The following PDE4D variants were observed in gnomAD, a reference collection of about 807,000 sequenced individuals.
PDE4D encodes the protein 3',5'-cyclic-AMP phosphodiesterase 4D.
In PDE4D, 24 loss-of-function variants were observed where a neutral mutation model predicts 87.4. The ratio of observed to expected loss-of-function variants is 0.27; its 90% CI spans 0.20 to 0.39. The LOEUF (loss-of-function observed/expected upper bound fraction) is 0.39, where lower values mean the gene tolerates loss of function less well. PDE4D is among the 10% of genes least tolerant of loss of function. The pLI, the probability that PDE4D is intolerant of heterozygous loss-of-function variation, is 1.00. For synonymous variants in PDE4D, 384 were observed against 383.2 expected (o/e 1.00, Z -0.02); for missense variants, 714 against 1,041.0 (o/e 0.69, Z 4.32).
intron 1 of PDE4D, among the ~76,000 whole-genome samples, chr5:59,859,512 A>G (rs1745942782): frequency 6.6e-6 from 1 of 152,212 alleles, no homozygotes; most frequent in Admixed American, 6.5e-5. Flanking sequence ...CCCTAAACTC[A>G]TAGCAACATG....
intron 1 of PDE4D, among the ~76,000 whole-genome samples, chr5:60,256,663 T>C (rs985642965): frequency 4.5e-4 from 69 of 151,934 alleles, no homozygotes; most frequent in African/African-American, 1.6e-3. Flanking sequence ...TACATAGACA[T>C]ACCCAAGAGG....
At chr5:60,055,337 A>AAAGT (rs1303030694) in intron 2 of PDE4D, among the ~76,000 whole-genome samples, 1 of 152,122 alleles carries the variant, frequency 6.6e-6, no homozygotes, top group Non-Finnish European at 1.5e-5. Flanking sequence ...GCAAGGAAAG[A>AAAGT]AAGTAAGTGG....
intron 2 of PDE4D, among the ~76,000 whole-genome samples, chr5:60,014,091 TAAAAAAAAAAA>T (rs36035984): frequency 2.1e-5 from 2 of 96,460 alleles, no homozygotes; most frequent in African/African-American, 4.0e-5. Context: ...GACTCCACCT[TAAAAAAAAAAA>T]AAAAAAAAAA....
intron 1 of PDE4D, among the ~76,000 whole-genome samples, chr5:59,487,057 G>T (rs1213922670): frequency 2.6e-5 from 4 of 152,144 alleles, no homozygotes; most frequent in Non-Finnish European, 5.9e-5. Flanking sequence ...GGAATCATAT[G>T]TCCATCATTT....
At chr5:60,088,438 A>G (rs1774764725) in intron 2 of PDE4D, among the ~76,000 whole-genome samples, 1 of 152,060 alleles carries the variant, frequency 6.6e-6, no homozygotes, top group Non-Finnish European at 1.5e-5. Context: ...TAAAAGGAAG[A>G]ACTATTAAAT....
intron 1 of PDE4D, among the ~76,000 whole-genome samples, chr5:59,699,946 T>C (rs930629414): frequency 6.6e-6 from 1 of 152,180 alleles, no homozygotes; most frequent in South Asian, 2.1e-4. Flanking sequence ...TGCACAGGAA[T>C]GATAGACTAT....
chr5:60,164,522 C>A (rs1371227015), intron 2 of PDE4D, among the ~76,000 whole-genome samples: 2 of 152,048 alleles, frequency 1.3e-5, no homozygotes, highest in South Asian at 2.1e-4. Context: ...GGTGCAGAAA[C>A]AAGAGGATAC....
chr5:59,801,568 A>G lies in PDE4D; in HGVS notation c.455+91600T>C, dbSNP rs886225081. On this transcript the variant is annotated intron_variant, in intron 1 of 14. Coordinates refer to ENST00000340635, the MANE Select transcript of PDE4D (RefSeq NM_001104631.2). ...ATGTAACCTATTTTCAAGTATCTTC[A>G]TATGACTGAAATCAATCTGTTTTAT... 2.0e-5 allele frequency among the ~76,000 whole-genome samples: 3 copies of G among 152,354 alleles called. No homozygotes were observed. In the East Asian group the frequency reaches 5.8e-4, roughly 29 times the overall value.
At chr5:60,047,626 C>A (rs1170789564) in intron 2 of PDE4D, among the ~76,000 whole-genome samples, 1 of 152,008 alleles carries the variant, frequency 6.6e-6, no homozygotes, top group East Asian at 1.9e-4. Context: ...TCGTTATGTA[C>A]CCAGTAGTCA....
chr5:59,792,432 G>GTGTGTGTGTGTGTGTT (rs1382485286), intron 1 of PDE4D, among the ~76,000 whole-genome samples: 8 of 151,974 alleles, frequency 5.3e-5, no homozygotes, highest in African/African-American at 1.9e-4. Context: ...GTGTGTGTGT[G>GTGTGTGTGTGTGTGTT]TGTGTGTTTT....
At chr5:59,733,437 A>G (rs982954500) in intron 1 of PDE4D, among the ~76,000 whole-genome samples, 2 of 152,106 alleles carry the variant, frequency 1.3e-5, no homozygotes, top group Admixed American at 6.6e-5. Context: ...ATGTAGTATA[A>G]TAAGTTCCAG....
chr5:59,275,833 G>A (rs2153543995), intron 1 of PDE4D: 2 of 986,208 alleles, frequency 2.0e-6, no homozygotes, highest in Non-Finnish European at 2.4e-6. Context: ...GAAAATGACC[G>A]GGAGGTACTG....
At chr5:60,222,972 G>A (rs1226550811) in intron 1 of PDE4D, among the ~76,000 whole-genome samples, 1 of 151,982 alleles carries the variant, frequency 6.6e-6, no homozygotes, top group Non-Finnish European at 1.5e-5. Context: ...TCAATTACTG[G>A]GTGGTAGATA....
At chr5:59,085,580 C>T (rs1292213252) in intron 5 of PDE4D, among the ~76,000 whole-genome samples, 1 of 152,092 alleles carries the variant, frequency 6.6e-6, no homozygotes, top group East Asian at 1.9e-4. Flanking sequence ...CAAAAGTGGA[C>T]ACTATAAATT....
intron 1 of PDE4D, among the ~76,000 whole-genome samples, chr5:59,844,732 G>A (rs995659933): frequency 2.0e-5 from 3 of 152,054 alleles, no homozygotes; most frequent in Admixed American, 6.5e-5. Flanking sequence ...GCCTAATCAC[G>A]AACAGGATGA....
chr5:59,990,410 T>C (rs1762886264), intron 2 of PDE4D, among the ~76,000 whole-genome samples: 1 of 152,154 alleles, frequency 6.6e-6, no homozygotes, highest in Non-Finnish European at 1.5e-5. Flanking sequence ...TAGAAAATTT[T>C]TGTCTTCCTG....
At chr5:59,254,044 T>C (rs542000138) in intron 1 of PDE4D, among the ~76,000 whole-genome samples, 1 of 152,116 alleles carries the variant, frequency 6.6e-6, no homozygotes, top group African/African-American at 2.4e-5. Context: ...TCTTAAAAAA[T>C]AGAAAAGCCC....
intron 1 of PDE4D, among the ~76,000 whole-genome samples, chr5:59,393,623 T>C (rs1255242423): frequency 6.6e-6 from 1 of 152,254 alleles, no homozygotes; most frequent in Non-Finnish European, 1.5e-5. Context: ...CGTTCCTCTT[T>C]TTTCTTCACT....
intron 1 of PDE4D, among the ~76,000 whole-genome samples, chr5:59,651,144 T>C (rs1353570079): frequency 1.3e-5 from 2 of 151,416 alleles, no homozygotes; most frequent in Non-Finnish European, 2.9e-5. Flanking sequence ...TAGTCCCAGC[T>C]ACTCGGGAGG....
Sources: gnomAD v4.1 joint callset for allele counts (sites outside exome capture counted in the v4.1 genomes callset) on GRCh38, gnomAD v4.1.1 for gene constraint, MANE v1.5 for transcripts, NCBI Gene and HGNC (gene_info 2026-07-23, HGNC 2026-07-21) for gene names.